ZFPM2: variants seen among roughly 807,000 people sequenced by gnomAD.
ZFPM2 encodes the protein zinc finger protein, FOG family member 2.
ZFPM2 carries 20 observed loss-of-function variants against 98.6 expected under a neutral mutation model. The ratio of observed to expected loss-of-function variants is 0.20; its 90% CI spans 0.14 to 0.29. The LOEUF (loss-of-function observed/expected upper bound fraction) is 0.29, where lower values mean the gene tolerates loss of function less well. Among genes scored for constraint, ZFPM2 ranks in the 10% least tolerant of loss-of-function variants. ZFPM2 has a pLI of 1.00. For synonymous variants in ZFPM2, 518 were observed against 502.7 expected (o/e 1.03, Z -0.41); for missense variants, 1,310 against 1,388.6 (o/e 0.94, Z 0.90).
rs146068138 is a variant in ZFPM2, at chr8:105,785,809, G to A, written c.533-2909G>A. On this transcript the variant is annotated intron_variant, in intron 5 of 7. Coordinates refer to ENST00000407775, the MANE Select transcript of ZFPM2 (RefSeq NM_012082.4). ...TGCAATCCGAACACTTTGGGAGGCC[G>A]AGGCGGGTGGATCACGATGTCAGGA... is the stretch of plus-strand genomic sequence containing the variant. 7.8e-3 allele frequency among the ~76,000 whole-genome samples: 1,190 copies of A among 152,216 alleles called. 14 individuals are homozygous for A. The highest frequency in any genetic ancestry group is 0.026 in the African/African-American group (1,091 of 41,544).
intron 5 of ZFPM2, among the ~76,000 whole-genome samples, chr8:105,656,825 T>G (rs1168483728): frequency 6.6e-6 from 1 of 152,208 alleles, no homozygotes; most frequent in East Asian, 1.9e-4. Context: ...TTTACTTGTA[T>G]TCTGATTCCT....
At chr8:105,520,330 AT>A (rs956860072) in intron 3 of ZFPM2, among the ~76,000 whole-genome samples, 7 of 152,116 alleles carry the variant, frequency 4.6e-5, no homozygotes, top group African/African-American at 1.4e-4. Flanking sequence ...TAATATATAT[AT>A]TTGGGCAGCA....
At chr8:105,490,540 T>C (rs2130429940) in intron 3 of ZFPM2, among the ~76,000 whole-genome samples, 1 of 152,334 alleles carries the variant, frequency 6.6e-6, no homozygotes, top group East Asian at 1.9e-4. Flanking sequence ...TATAACTATG[T>C]TTACATACAT....
chr8:105,378,672 C>T (rs537463002), intron 1 of ZFPM2, among the ~76,000 whole-genome samples: 1 of 152,118 alleles, frequency 6.6e-6, no homozygotes, highest in Non-Finnish European at 1.5e-5. Flanking sequence ...CAAGAGCATC[C>T]TCATTATAGA....
At chr8:105,424,071 C>A (rs1040792353) in intron 2 of ZFPM2, among the ~76,000 whole-genome samples, 8 of 152,086 alleles carry the variant, frequency 5.3e-5, no homozygotes, top group Non-Finnish European at 1.0e-4. Flanking sequence ...GTGATGGGTG[C>A]ACCAAAATCT....
chr8:105,494,509 C>T (rs1256665044), intron 3 of ZFPM2, among the ~76,000 whole-genome samples: 1 of 151,962 alleles, frequency 6.6e-6, no homozygotes, highest in Non-Finnish European at 1.5e-5. Context: ...ATGCCATGTC[C>T]ATGACTTCCT....
intron 3 of ZFPM2, among the ~76,000 whole-genome samples, chr8:105,510,428 T>C (rs1298335686): frequency 6.6e-6 from 1 of 150,478 alleles, no homozygotes; most frequent in Non-Finnish European, 1.5e-5. Flanking sequence ...TTTGTTTGTT[T>C]CCAAGGAATT....
At chr8:105,446,540 A>C (rs1347130585) in intron 3 of ZFPM2, among the ~76,000 whole-genome samples, 1 of 152,148 alleles carries the variant, frequency 6.6e-6, no homozygotes, top group Non-Finnish European at 1.5e-5. Flanking sequence ...AGAGGGGGAG[A>C]GAAAGTGAAC....
At chr8:105,677,923 TA>T (rs1810507468) in intron 5 of ZFPM2, among the ~76,000 whole-genome samples, 1 of 152,208 alleles carries the variant, frequency 6.6e-6, no homozygotes, top group Admixed American at 6.5e-5. Flanking sequence ...TGTAATATCC[TA>T]TGCAAATAGC....
At chr8:105,376,526 G>A (rs1169574082) in intron 1 of ZFPM2, among the ~76,000 whole-genome samples, 1 of 152,102 alleles carries the variant, frequency 6.6e-6, no homozygotes, top group Non-Finnish European at 1.5e-5. Flanking sequence ...TCTCTAACAA[G>A]CATCTCAAAT....
Position 105,606,302 on chromosome 8 carries a change from G to T in ZFPM2, c.421-27944G>T, listed in dbSNP as rs1289833655. ...CAGGTAACACTTTTTTTCTAGTGTTGATTATATGCTGCATTTCTTCTTCTT... is the reference window on the plus strand; with the variant it reads ...CAGGTAACACTTTTTTTCTAGTGTTTATTATATGCTGCATTTCTTCTTCTT... On this transcript the variant is annotated intron_variant, in intron 4 of 7. Transcript: ENST00000407775. Among the ~76,000 whole-genome samples, 3 of 151,872 alleles carry T rather than the reference G, an allele frequency of 2.0e-5. No individual in the cohort carries two copies. The East Asian group carries it at 5.8e-4, about 29-fold the overall frequency.
chr8:105,523,994 G>C (rs1376292010), intron 3 of ZFPM2, among the ~76,000 whole-genome samples: 2 of 152,056 alleles, frequency 1.3e-5, no homozygotes, highest in Non-Finnish European at 2.9e-5. Flanking sequence ...TCTAAAATCT[G>C]TTTTGTTCAC....
chr8:105,537,238 TCTTC>T (rs1465684036), intron 3 of ZFPM2, among the ~76,000 whole-genome samples: 1 of 152,172 alleles, frequency 6.6e-6, no homozygotes, highest in African/African-American at 2.4e-5. Context: ...AGTTACCAAT[TCTTC>T]CTTTCTTTAG....
intron 3 of ZFPM2, among the ~76,000 whole-genome samples, chr8:105,510,801 G>A (rs541674418): frequency 6.6e-6 from 1 of 152,318 alleles, no homozygotes; most frequent in South Asian, 2.1e-4. Flanking sequence ...GTGGGGATGT[G>A]AGGGACTGGG....
chr8:105,497,439 A>G (rs1394782111), intron 3 of ZFPM2, among the ~76,000 whole-genome samples: 3 of 152,238 alleles, frequency 2.0e-5, no homozygotes, highest in Non-Finnish European at 4.4e-5. Flanking sequence ...TTCAACAGTT[A>G]GCAAAGGCAT....
chr8:105,743,483 TC>T (rs1222720413), intron 5 of ZFPM2, among the ~76,000 whole-genome samples: 1 of 152,110 alleles, frequency 6.6e-6, no homozygotes, highest in African/African-American at 2.4e-5. Context: ...TAGTGTGGAC[TC>T]ACCAGGTATA....
intron 3 of ZFPM2, among the ~76,000 whole-genome samples, chr8:105,444,690 A>G (rs1812332628): frequency 6.6e-6 from 1 of 152,166 alleles, no homozygotes; most frequent in East Asian, 1.9e-4. Flanking sequence ...TAAATTGGGC[A>G]CACTATTAAA....
At chr8:105,550,117 G>A (rs1814817111) in intron 3 of ZFPM2, among the ~76,000 whole-genome samples, 1 of 152,108 alleles carries the variant, frequency 6.6e-6, no homozygotes, top group Non-Finnish European at 1.5e-5. Flanking sequence ...AATGTAAAAT[G>A]TTTTGTGAAC....
At chr8:105,441,188 C>CA (rs1321830991) in intron 2 of ZFPM2, among the ~76,000 whole-genome samples, 1 of 151,078 alleles carries the variant, frequency 6.6e-6, no homozygotes, top group African/African-American at 2.4e-5. Flanking sequence ...AAACAAAAAC[C>CA]AAAAAAACCC....
Sources: gnomAD v4.1 joint callset for allele counts (sites outside exome capture counted in the v4.1 genomes callset) on GRCh38, gnomAD v4.1.1 for gene constraint, MANE v1.5 for transcripts, NCBI Gene and HGNC (gene_info 2026-07-23, HGNC 2026-07-21) for gene names.